Variants in KIF13B observed in about 807,000 individuals in gnomAD.
KIF13B encodes the protein kinesin-like protein KIF13B.
A neutral mutation model predicts 222.0 loss-of-function variants in KIF13B; 127 were observed. The ratio of observed to expected loss-of-function variants is 0.57; its 90% CI spans 0.50 to 0.66. The LOEUF is 0.66. Ranked by LOEUF, KIF13B falls within the 30% of genes least tolerant of loss-of-function variation. The pLI, the probability that KIF13B is intolerant of heterozygous loss-of-function variation, is 0.00. For missense variants in KIF13B, 2,173 were observed against 2,379.0 expected, an observed-to-expected ratio of 0.91 and a Z score of 1.80; for synonymous variants, 976 against 919.0, an observed-to-expected ratio of 1.06 and a Z score of -1.12.
chr8:29,199,087 T>TTTTTTTTTTTTTTTTTATTATAC (rs1563781453), intron 2 of KIF13B, among the ~76,000 whole-genome samples: 2 of 151,824 alleles, frequency 1.3e-5, no homozygotes, highest in East Asian at 1.9e-4. Context: ...ATAAAATTTT[T>TTTTTTTTTTTTTTTTTATTATAC]TAAAAAATAG....
intron 1 of KIF13B, chr8:29,249,983 A>G: frequency 7.9e-7 from 1 of 1,266,908 alleles, no homozygotes; most frequent in Non-Finnish European, 1.0e-6. Flanking sequence ...ATGCAATTTT[A>G]CCTCTTCACT....
chr8:29,126,447 CTTAT>C (rs1563723221), intron 26 of KIF13B, 31 bp downstream of exon 26: 1 of 1,383,046 alleles, frequency 7.2e-7, no homozygotes, highest in Non-Finnish European at 1.0e-6. Context: ...TTTAATCATG[CTTAT>C]TTGAGATGAG....
rs1313268825 is a variant in KIF13B at position 29,067,779 on chromosome 8, C to T, written c.*2725G>A. On this transcript the variant is annotated 3_prime_UTR_variant, in exon 40 of 40. Transcript: ENST00000524189. ...AAGTAACGGGGGATCAGAACTCCTC[C>T]ACCTCTCAGGCTCCAGCAGTCACAT... 6.6e-6 allele frequency: 1 copy of T among 152,412 alleles called. No homozygotes were observed. Among genetic ancestry groups the T allele is most frequent in the African/African-American group, 2.4e-5 (1 of 41,434 alleles). 9.4% of individuals were successfully genotyped at this position (152,412 alleles called of 1,614,324 possible).
chr8:29,256,451 T>A (rs1282155755), intron 1 of KIF13B, among the ~76,000 whole-genome samples: 1 of 152,190 alleles, frequency 6.6e-6, no homozygotes, highest in East Asian at 1.9e-4. Flanking sequence ...TCCACCCCCA[T>A]TTCTTTAATT....
chr8:29,116,950 C>T lies in KIF13B; in HGVS notation c.3718G>A (p.Gly1240Ser). The T allele has an allele frequency of 1.2e-6, 2 of 1,611,694 alleles. No individual in the cohort carries two copies. The highest frequency in any genetic ancestry group is 1.7e-6 in the Non-Finnish European group (2 of 1,178,274). ...AVHGCPQLSR[G>S]TPVDERLFLI... is the part of the protein sequence containing the mutation. Reference sequence around the variant, plus strand: ...AACAACCGCTCGTCCACGGGCGTGCCCCTGCTGAGCTGAGGGCAGCCATGC... The same window carrying T: ...AACAACCGCTCGTCCACGGGCGTGCTCCTGCTGAGCTGAGGGCAGCCATGC... Residue 1240 changes from glycine (G) to serine (S), a missense_variant, in exon 31 of 40, where the codon GGC becomes AGC. Around this residue, in one of 2 missense-constraint regions of KIF13B, gnomAD observed 1,480 missense variants for 1,722.8 expected, o/e 0.86. Transcript: ENST00000524189.
intron 37 of KIF13B, among the ~76,000 whole-genome samples, chr8:29,087,221 C>T (rs1196179935): frequency 6.6e-6 from 1 of 152,196 alleles, no homozygotes; most frequent in East Asian, 1.9e-4. Flanking sequence ...TTACCTGCTA[C>T]CTGGAAATGA....
chr8:29,124,216 G>A (rs1810006044), intron 26 of KIF13B, 93 bp from the exon 27 acceptor site: 3 of 720,098 alleles, frequency 4.2e-6, no homozygotes, highest in Non-Finnish European at 7.1e-6. Flanking sequence ...ACTATGCCTT[G>A]GAAAGGTAAG....
Position 29,200,595 on chromosome 8 carries a change from T to C in KIF13B, c.150-4396A>G, listed in dbSNP as rs141551564. Among the ~76,000 whole-genome samples the C allele has an allele frequency of 2.5e-3, 380 of 152,342 alleles. 5 individuals are homozygous for C. Among genetic ancestry groups the C allele is most frequent in the East Asian group, 5.4e-3 (28 of 5,190 alleles). ...ATTTCTTATATCACCACAGCTACAA[T>C]GACCAAAACCAAGAAATTAACCATC... On this transcript the variant is annotated intron_variant, in intron 2 of 39. Transcript: ENST00000524189.
intron 10 of KIF13B, among the ~76,000 whole-genome samples, chr8:29,168,196 A>T (rs1241849825): frequency 6.6e-6 from 1 of 152,276 alleles, no homozygotes; most frequent in East Asian, 1.9e-4. Flanking sequence ...CTACAGAAGC[A>T]CTTCCACCGT....
At chr8:29,206,146 G>T (rs1813924933) in intron 2 of KIF13B, among the ~76,000 whole-genome samples, 1 of 151,914 alleles carries the variant, frequency 6.6e-6, no homozygotes, top group East Asian at 1.9e-4. Flanking sequence ...GCTGGGGATA[G>T]GGGCATGGTG....
chr8:29,115,385 G>A (rs947481348), intron 31 of KIF13B, among the ~76,000 whole-genome samples: 5 of 149,994 alleles, frequency 3.3e-5, no homozygotes, highest in African/African-American at 4.9e-5. Flanking sequence ...GGAGTGCAAC[G>A]GTGCAATCTT....
In KIF13B at chr8:29,130,554, T is replaced by C; in HGVS notation, c.3054A>G (p.Gly1018=). ...EVISAKDVPT[G]GIFQLRQGQS... is the part of the protein sequence containing the mutation. ...TTACCTGCCGGAGCTGGAAGATTCC[T>C]CCTGTTGGGACATCCTTTGCAGAAA... The change falls in exon 24 of 40, where the codon GGA becomes GGG. Residue 1018 remains glycine, a synonymous_variant. Coordinates refer to ENST00000524189, the MANE Select transcript of KIF13B (RefSeq NM_015254.4). 1 of 1,613,832 alleles carries C rather than the reference T, an allele frequency of 6.2e-7. No individual in the cohort carries two copies. Among genetic ancestry groups the C allele is most frequent in the Non-Finnish European group, 8.5e-7 (1 of 1,179,762 alleles).
intron 10 of KIF13B, among the ~76,000 whole-genome samples, chr8:29,170,877 A>G (rs528206940): frequency 4.6e-5 from 7 of 152,366 alleles, no homozygotes; most frequent in South Asian, 2.1e-4. Context: ...CAGAAGTTCA[A>G]CACCAGCCTG....
intron 1 of KIF13B, chr8:29,250,062 C>G (rs749007608): frequency 8.7e-5 from 112 of 1,288,310 alleles, no homozygotes; most frequent in Non-Finnish European, 1.1e-4. Context: ...CATATTGTAT[C>G]AGCTGGCTCC....
At chr8:29,095,595 C>G (rs1808485235) in intron 36 of KIF13B, among the ~76,000 whole-genome samples, 1 of 152,022 alleles carries the variant, frequency 6.6e-6, no homozygotes, top group Admixed American at 6.5e-5. Flanking sequence ...GGAGAAACCC[C>G]ATCTCTACTA....
chr8:29,227,191 A>C (rs1815063758), intron 2 of KIF13B, among the ~76,000 whole-genome samples: 1 of 152,212 alleles, frequency 6.6e-6, no homozygotes. Context: ...TACTTATTTC[A>C]ATTATAGTCA....
At chr8:29,100,931 T>TG (rs1318648291) in intron 35 of KIF13B, among the ~76,000 whole-genome samples, 1 of 152,196 alleles carries the variant, frequency 6.6e-6, no homozygotes, top group Non-Finnish European at 1.5e-5. Flanking sequence ...ATCTGGGTCC[T>TG]GCGCACCTCA....
intron 13 of KIF13B, among the ~76,000 whole-genome samples, chr8:29,159,890 A>G (rs1811698610): frequency 6.6e-6 from 1 of 152,182 alleles, no homozygotes; most frequent in Admixed American, 6.5e-5. Context: ...GAAACCACAC[A>G]ATTCTCTTAG....
chr8:29,098,826 T>A (rs1168944731), intron 36 of KIF13B, among the ~76,000 whole-genome samples: 1 of 151,810 alleles, frequency 6.6e-6, no homozygotes, highest in Non-Finnish European at 1.5e-5. Flanking sequence ...GACATGAAGA[T>A]GAGAAGATAA....
Sources: allele counts gnomAD v4.1 joint callset (sites outside exome capture counted in the v4.1 genomes callset), GRCh38; gene constraint gnomAD v4.1.1; regional missense constraint gnomAD v4.1.1; transcripts MANE v1.5; gene names NCBI Gene and HGNC (gene_info 2026-07-23, HGNC 2026-07-21).